DYM: variants seen among roughly 807,000 people sequenced by gnomAD.
The protein encoded by DYM is dymeclin.
A neutral mutation model predicts 93.1 loss-of-function variants in DYM; 78 were observed. That is an observed-to-expected ratio of 0.84 (90% CI 0.70 to 1.01). DYM has a LOEUF of 1.01. Among genes scored for constraint, DYM ranks in the 50% least tolerant of loss-of-function variants. DYM has a pLI of 0.00. For missense variants in DYM, 789 were observed against 845.0 expected (o/e 0.93, Z 0.82); for synonymous variants, 321 against 319.7 (o/e 1.00, Z -0.04).
intron 8 of DYM, among the ~76,000 whole-genome samples, chr18:49,310,417 C>T (rs1178761471): frequency 6.6e-6 from 1 of 152,038 alleles, no homozygotes; most frequent in Admixed American, 6.6e-5. Flanking sequence ...TGAGTAACTG[C>T]CAGTATTACT....
At chr18:49,374,715 T>C (rs2067329819) in intron 5 of DYM, among the ~76,000 whole-genome samples, 1 of 152,132 alleles carries the variant, frequency 6.6e-6, no homozygotes, top group African/African-American at 2.4e-5. Flanking sequence ...TCCCAGCACT[T>C]TGGGAGGCCG....
chr18:49,212,215 A>G (rs2092816376), intron 13 of DYM, among the ~76,000 whole-genome samples: 1 of 152,214 alleles, frequency 6.6e-6, no homozygotes, highest in African/African-American at 2.4e-5. Flanking sequence ...AGACAACTAT[A>G]TGTAACATGA....
chr18:49,346,593 C>A (rs1241804746), intron 6 of DYM, among the ~76,000 whole-genome samples: 2 of 150,416 alleles, frequency 1.3e-5, no homozygotes, highest in Non-Finnish European at 3.0e-5. Context: ...GAACATACTG[C>A]AAACCACTGA....
At chr18:49,045,458 T>C (rs1437189967) in intron 17 of DYM, among the ~76,000 whole-genome samples, 1 of 152,234 alleles carries the variant, frequency 6.6e-6, no homozygotes, top group Non-Finnish European at 1.5e-5. Context: ...TTATCTAATT[T>C]AGTCCTTCTT....
intron 1 of DYM, among the ~76,000 whole-genome samples, chr18:49,442,658 A>G (rs2148625812): frequency 6.7e-6 from 1 of 150,258 alleles, no homozygotes; most frequent in East Asian, 2.1e-4. Context: ...ATAATAATGA[A>G]AACAGTAACA....
intron 6 of DYM, among the ~76,000 whole-genome samples, chr18:49,362,404 G>A (rs2066110523): frequency 6.6e-6 from 1 of 152,150 alleles, no homozygotes; most frequent in Non-Finnish European, 1.5e-5. Flanking sequence ...GAGCTGCAGT[G>A]ACAGAAGCCC....
At chr18:49,422,526 G>C (rs941688786) in intron 2 of DYM, among the ~76,000 whole-genome samples, 1 of 152,152 alleles carries the variant, frequency 6.6e-6, no homozygotes, top group Non-Finnish European at 1.5e-5. Context: ...ATAATGACAG[G>C]ATCAAATTCA....
chr18:49,276,050 A>G (rs190350169), intron 10 of DYM, among the ~76,000 whole-genome samples: 3 of 152,212 alleles, frequency 2.0e-5, no homozygotes, highest in African/African-American at 7.2e-5. Context: ...TCCAATCTAG[A>G]TATGTTTAAT....
At chr18:49,317,116 T>C (rs1171798609) in intron 8 of DYM, among the ~76,000 whole-genome samples, 1 of 152,212 alleles carries the variant, frequency 6.6e-6, no homozygotes, top group Non-Finnish European at 1.5e-5. Context: ...AGTACACTAA[T>C]GGAAGATGCT....
chr18:49,411,409 C>A (rs550347563), intron 2 of DYM, among the ~76,000 whole-genome samples: 11 of 152,168 alleles, frequency 7.2e-5, no homozygotes, highest in African/African-American at 2.6e-4. Context: ...AGATGATAGA[C>A]GACTTTCTTG....
intron 17 of DYM, among the ~76,000 whole-genome samples, chr18:49,086,683 AT>A (rs1337460980): frequency 2.0e-5 from 3 of 152,046 alleles, no homozygotes; most frequent in Non-Finnish European, 4.4e-5. Flanking sequence ...CATGAAGGGG[AT>A]TAGTGCCCTC....
At chr18:49,404,224 T>G (rs2071189722) in intron 2 of DYM, among the ~76,000 whole-genome samples, 1 of 152,110 alleles carries the variant, frequency 6.6e-6, no homozygotes, top group Non-Finnish European at 1.5e-5. Context: ...GCCAGGCTGG[T>G]CTCGAACTCC....
intron 5 of DYM, among the ~76,000 whole-genome samples, chr18:49,370,661 G>A (rs2147515296): frequency 6.6e-6 from 1 of 152,234 alleles, no homozygotes; most frequent in Non-Finnish European, 1.5e-5. Context: ...CAGCTACTCG[G>A]GAGGCTAAGG....
At chr18:49,337,366 C>T (rs2063748780) in intron 6 of DYM, among the ~76,000 whole-genome samples, 1 of 152,170 alleles carries the variant, frequency 6.6e-6, no homozygotes, top group South Asian at 2.1e-4. Flanking sequence ...CCCTCCCCTC[C>T]ATACATGTGG....
intron 17 of DYM, among the ~76,000 whole-genome samples, chr18:49,058,231 T>C (rs2075670655): frequency 6.6e-6 from 1 of 152,166 alleles, no homozygotes; most frequent in African/African-American, 2.4e-5. Context: ...TCTCTAGTCA[T>C]TTTCAAAACA....
intron 8 of DYM, among the ~76,000 whole-genome samples, chr18:49,289,717 ATATATATGTG>A (rs1439917570): frequency 2.3e-5 from 1 of 42,766 alleles, no homozygotes; most frequent in Non-Finnish European, 5.1e-5. Context: ...TCTCAAATAT[ATATATATGTG>A]TATATATATA....
At chr18:49,405,212 ATTTTT>A (rs957986478) in intron 2 of DYM, among the ~76,000 whole-genome samples, 3 of 151,970 alleles carry the variant, frequency 2.0e-5, no homozygotes, top group African/African-American at 7.2e-5. Flanking sequence ...TACTCTGTTG[ATTTTT>A]TATTTTGCTG....
chr18:49,221,604 T>C, intron 13 of DYM, among the ~76,000 whole-genome samples: 1 of 152,150 alleles, frequency 6.6e-6, no homozygotes, highest in Non-Finnish European at 1.5e-5. Context: ...ATGTCCTTTG[T>C]AGGGACACGG....
chr18:49,128,128 A>C (rs571333531), intron 15 of DYM, among the ~76,000 whole-genome samples: 2 of 152,232 alleles, frequency 1.3e-5, no homozygotes, highest in African/African-American at 4.8e-5. Flanking sequence ...CCACATCCGG[A>C]GAAGAGCCAG....
Sources: gnomAD v4.1 joint callset for allele counts (sites outside exome capture counted in the v4.1 genomes callset) on GRCh38, gnomAD v4.1.1 for gene constraint, MANE v1.5 for transcripts, NCBI Gene and HGNC (gene_info 2026-07-23, HGNC 2026-07-21) for gene names.